LYZL6: variants seen among roughly 807,000 people sequenced by gnomAD.
LYZL6 encodes lysozyme like 6, also known as lysozyme-like protein 6.
A neutral mutation model predicts 15.0 loss-of-function variants in LYZL6; 21 were observed. That is an observed-to-expected ratio of 1.40 (90% confidence interval 1.00 to 2.02). LYZL6 has a LOEUF of 2.02. Ranked by LOEUF, LYZL6 falls within the 30% of genes most tolerant of loss-of-function variation. The pLI is 0.00. For missense variants in LYZL6, 173 were observed against 180.5 expected (o/e 0.96, Z 0.24); for synonymous variants, 72 against 67.8 (o/e 1.06, Z -0.31).
intron 2 of LYZL6, 88 bp from the exon 3 acceptor site, chr17:35,938,004 G>T (rs1205510581): frequency 1.2e-5 from 17 of 1,361,976 alleles, no homozygotes; most frequent in African/African-American, 2.9e-5. Flanking sequence ...CAAGGTTTCA[G>T]ACAAAAGGAA....
At position 35,939,028 on chromosome 17, in the gene LYZL6, A is replaced by C. The variant is rs549891142; in HGVS notation, c.139+190T>G. ...TTTATCTCTACAGCCCCAGTGCCTA[A>C]AACAGTTGTTGGTACATAATAAGTG... On this transcript the variant is annotated intron_variant, in intron 2 of 4. Coordinates refer to ENST00000615905, the MANE Select transcript of LYZL6 (RefSeq NM_020426.4). Among the ~76,000 whole-genome samples, 3 of 152,352 alleles carry C rather than the reference A, an allele frequency of 2.0e-5. No homozygotes were observed. The South Asian group carries it at 6.2e-4, about 32-fold the overall frequency.
Position 35,935,334 on chromosome 17 carries a change from C to T in LYZL6, c.378-469G>A, listed in dbSNP as rs149228274. 9.0e-3 allele frequency among the ~76,000 whole-genome samples: 1,376 copies of T among 152,288 alleles called. 24 individuals carry two copies. The highest frequency in any genetic ancestry group is 0.032 in the African/African-American group (1,319 of 41,546). ...CTAGTTTGAAGCTCAGAAAAGGTGA[C>T]TATCTGAATGTCCACCGTTGGTGAG... On this transcript the variant is annotated intron_variant, in intron 4 of 4. Coordinates refer to ENST00000615905, the MANE Select transcript of LYZL6 (RefSeq NM_020426.4).
At chr17:35,941,361 G>A (rs187816958) in intron 1 of LYZL6, among the ~76,000 whole-genome samples, 9 of 152,186 alleles carry the variant, frequency 5.9e-5, no homozygotes, top group Admixed American at 5.9e-4. Context: ...TACTGAGTGG[G>A]AAGAGTTCTT....
chr17:35,936,667 G>A (rs1406536061), intron 4 of LYZL6, 88 bp downstream of exon 4: 3 of 1,076,222 alleles, frequency 2.8e-6, no homozygotes, highest in East Asian at 2.4e-5. Context: ...GCAAGGGCGT[G>A]CCCGTGAGTC....
At chr17:35,935,401 A>ATTTT (rs1448956373) in intron 4 of LYZL6, among the ~76,000 whole-genome samples, 1 of 152,106 alleles carries the variant, frequency 6.6e-6, no homozygotes, top group Non-Finnish European at 1.5e-5. Flanking sequence ...TGAATGCCAC[A>ATTTT]TTTTTTTGTT....
At chr17:35,941,760 G>C (rs759751993) in intron 1 of LYZL6, among the ~76,000 whole-genome samples, 3 of 152,134 alleles carry the variant, frequency 2.0e-5, no homozygotes, top group African/African-American at 7.2e-5. Context: ...TCATGGAGTT[G>C]AAAAATAATC....
chr17:35,941,364 G>C (rs1324309662), intron 1 of LYZL6, among the ~76,000 whole-genome samples: 1 of 152,086 alleles, frequency 6.6e-6, no homozygotes, highest in Non-Finnish European at 1.5e-5. Flanking sequence ...TGAGTGGGAA[G>C]AGTTCTTTAT....
chr17:35,943,433 G>A (rs8070653), intron 1 of LYZL6, 134 bp downstream of exon 1: 23,023 of 152,124 alleles, frequency 0.15, 1,953 homozygotes, highest in East Asian at 0.25. Flanking sequence ...ACTCAGGAGG[G>A]TCCCTCAGAG....
intron 1 of LYZL6, among the ~76,000 whole-genome samples, chr17:35,942,881 A>T (rs2089434475): frequency 6.6e-6 from 1 of 152,192 alleles, no homozygotes. Flanking sequence ...TAGACACAGA[A>T]ACTCTCGCTC....
At position 35,939,331 on chromosome 17, in the gene LYZL6, A is replaced by G; in HGVS notation, c.26T>C (p.Leu9Ser). The change falls in exon 2 of 5, where the codon TTG becomes TCG. Residue 9 changes from leucine (L) to serine (S), a missense_variant. By Grantham distance (145) the Leu-to-Ser change is moderately radical. Coordinates refer to ENST00000615905, the MANE Select transcript of LYZL6 (RefSeq NM_020426.4). MTKALLIY[L>S]VSSFLALNQA... ...ATTTAGGGCAAGAAAGCTGCTGACC[A>G]AATAGATGAGTAGCGCCTTTGTCAT... 2 of 1,614,152 alleles carry G rather than the reference A, an allele frequency of 1.2e-6. No individual in the cohort carries two copies. The highest frequency in any genetic ancestry group is 1.7e-6 in the Non-Finnish European group (2 of 1,179,998).
In LYZL6 at chr17:35,934,759, G is replaced by C; in HGVS notation, c.*37C>G. 6.3e-7 allele frequency: 1 copy of C among 1,589,776 alleles called. No homozygotes were observed. Among genetic ancestry groups the C allele is most frequent in the African/African-American group, 1.3e-5 (1 of 74,414 alleles). Reference sequence around the variant, plus strand: ...GAAGAATCCCTGAGTGAGGACAGGAGTCTTGGAATGACTCCACGGTGCACC... The same window carrying C: ...GAAGAATCCCTGAGTGAGGACAGGACTCTTGGAATGACTCCACGGTGCACC... On this transcript the variant is annotated 3_prime_UTR_variant, in exon 5 of 5. Coordinates refer to ENST00000615905, the MANE Select transcript of LYZL6 (RefSeq NM_020426.4).
Position 35,936,831 on chromosome 17 carries a change from G to C in LYZL6, c.301C>G (p.Leu101Val). 3 of 1,613,492 alleles carry C rather than the reference G, an allele frequency of 1.9e-6. No individual in the cohort carries two copies. Among genetic ancestry groups the C allele is most frequent in the Non-Finnish European group, 2.5e-6 (3 of 1,179,870 alleles). Reference protein sequence around the residue: ...ENLCHVDCQDLLNPNLLAGIH... With the variant: ...ENLCHVDCQDVLNPNLLAGIH... ...CCTGCAAGAAGGTTGGGATTCAGCA[G>C]ATCTGAAAGGGAGGAAGAGAAAACC... The change falls in exon 4 of 5, where the codon CTG becomes GTG. Residue 101 changes from leucine (L) to valine (V), a missense_variant and splice_region_variant. Transcript: ENST00000615905.
intron 4 of LYZL6, among the ~76,000 whole-genome samples, chr17:35,936,095 G>A (rs1457670873): frequency 2.0e-5 from 3 of 152,196 alleles, no homozygotes; most frequent in East Asian, 1.9e-4. Flanking sequence ...GATTACAGGC[G>A]TGAGCCACCA....
chr17:35,938,863 C>G (rs528277529), intron 2 of LYZL6, among the ~76,000 whole-genome samples: 1 of 152,166 alleles, frequency 6.6e-6, no homozygotes, highest in Non-Finnish European at 1.5e-5. Flanking sequence ...TCCCTGACTT[C>G]CCCATCTAAA....
Position 35,939,308 on chromosome 17 carries a change from T to G in LYZL6, c.49A>C (p.Asn17His), listed in dbSNP as rs1363892609. The G allele has an allele frequency of 1.2e-6, 2 of 1,613,988 alleles. No homozygotes were observed. The highest frequency in any genetic ancestry group is 1.7e-6 in the Non-Finnish European group (2 of 1,180,018). ...CAGCGACTGATGAGGCTGGCCTGAT[T>G]TAGGGCAAGAAAGCTGCTGACCAAA... is the stretch of plus-strand genomic sequence containing the variant. ...IYLVSSFLAL[N>H]QASLISRCDL... Residue 17 changes from asparagine (N) to histidine (H), a missense_variant, in exon 2 of 5, where the codon AAT becomes CAT. Asn to His is a moderately conservative substitution (Grantham distance 68). Transcript: ENST00000615905.
intron 4 of LYZL6, among the ~76,000 whole-genome samples, chr17:35,935,677 T>C (rs2089365340): frequency 6.6e-6 from 1 of 152,174 alleles, no homozygotes; most frequent in Non-Finnish European, 1.5e-5. Flanking sequence ...AACGCCTGGC[T>C]AATTTTTGTA....
Position 35,934,945 on chromosome 17 carries a change from G to A in LYZL6, c.378-80C>T, listed in dbSNP as rs1013708083. ...CATGACCCAGTTCTTGGTGAGTCTC[G>A]CATATGGAGCAACGCCCAGAATCCC... On this transcript the variant is annotated intron_variant, in intron 4 of 4. Transcript: ENST00000615905. 19 of 1,332,560 alleles carry A rather than the reference G, an allele frequency of 1.4e-5. No individual in the cohort carries two copies. The African/African-American group carries it at 1.9e-4, about 13-fold the overall frequency. 82.5% of individuals were successfully genotyped at this position (1,332,560 alleles called of 1,614,324 possible).
chr17:35,935,519 G>T lies in LYZL6; in HGVS notation c.378-654C>A, dbSNP rs1247674675. On this transcript the variant is annotated intron_variant, in intron 4 of 4. Coordinates refer to ENST00000615905, the MANE Select transcript of LYZL6 (RefSeq NM_020426.4). ...CAACCTCTGGCTCCCGGGTTCAAGC[G>T]ATTCTCCTGCCTCAGCCTCCCATGC... 3.3e-5 allele frequency among the ~76,000 whole-genome samples: 5 copies of T among 151,866 alleles called. No homozygotes were observed. In the East Asian group the frequency reaches 5.8e-4, roughly 18 times the overall value.
intron 1 of LYZL6, 86 bp downstream of exon 1, chr17:35,943,481 T>G (rs1392395345): frequency 6.6e-6 from 1 of 152,314 alleles, no homozygotes; most frequent in Non-Finnish European, 1.5e-5. Context: ...GGAAGCTCCA[T>G]CCCTGCCCAT....
Sources: gnomAD v4.1 joint callset for allele counts (sites outside exome capture counted in the v4.1 genomes callset) on GRCh38, gnomAD v4.1.1 for gene constraint, MANE v1.5 for transcripts, NCBI Gene and HGNC (gene_info 2026-07-23, HGNC 2026-07-21) for gene names.